Variants in DACH1 observed in about 807,000 individuals in gnomAD.
DACH1 encodes dachshund family transcription factor 1.
Under a neutral mutation model 54.2 loss-of-function variants are expected in DACH1, and 12 were observed. That is an observed-to-expected ratio of 0.22 (90% CI 0.14 to 0.36). DACH1 has a LOEUF of 0.36. DACH1 is among the 10% of genes least tolerant of loss of function. DACH1 has a pLI of 1.00. For missense variants in DACH1, 805 were observed against 929.8 expected, an observed-to-expected ratio of 0.87 and a Z score of 1.75; for synonymous variants, 386 against 366.2, an observed-to-expected ratio of 1.05 and a Z score of -0.62.
intron 1 of DACH1, among the ~76,000 whole-genome samples, chr13:71,864,193 A>G (rs1461757818): frequency 2.5e-5 from 3 of 118,892 alleles, no homozygotes; most frequent in Non-Finnish European, 4.8e-5. Context: ...ACACACACAC[A>G]CACACACACA....
At chr13:71,734,082 T>G (rs927194666) in intron 1 of DACH1, among the ~76,000 whole-genome samples, 2 of 151,346 alleles carry the variant, frequency 1.3e-5, no homozygotes, top group African/African-American at 4.9e-5. Context: ...AAAAACACAC[T>G]TGAATATATA....
intron 10 of DACH1, among the ~76,000 whole-genome samples, chr13:71,463,320 C>A (rs937960525): frequency 1.3e-5 from 2 of 151,856 alleles, no homozygotes; most frequent in African/African-American, 4.8e-5. Flanking sequence ...GAGAAAAATG[C>A]AAGCTAATGA....
chr13:71,665,163 T>C (rs1264837930), intron 2 of DACH1, among the ~76,000 whole-genome samples: 5 of 151,954 alleles, frequency 3.3e-5, no homozygotes, highest in African/African-American at 7.2e-5. Flanking sequence ...TCTAATAGCA[T>C]AAAACATTTG....
rs189993717 is a variant in DACH1, at chr13:71,587,239, G to T, written c.1127-14227C>A. On this transcript the variant is annotated intron_variant, in intron 3 of 10. Transcript: ENST00000613252. ...TATTCAATAAAGTGTGATTAATTTGGTTTTTCAAAAATGCAAACTAGACAT... is the reference window on the plus strand; with the variant it reads ...TATTCAATAAAGTGTGATTAATTTGTTTTTTCAAAAATGCAAACTAGACAT... Among the ~76,000 whole-genome samples the T allele has an allele frequency of 4.0e-3, 605 of 151,902 alleles. 4 individuals are homozygous for T. Among genetic ancestry groups the T allele is most frequent in the Non-Finnish European group, 6.7e-3 (454 of 67,868 alleles).
At chr13:71,748,601 G>C (rs1167031231) in intron 1 of DACH1, among the ~76,000 whole-genome samples, 2 of 152,142 alleles carry the variant, frequency 1.3e-5, no homozygotes, top group Non-Finnish European at 2.9e-5. Context: ...GTCCCTCTTT[G>C]TCTACTACTA....
intron 1 of DACH1, among the ~76,000 whole-genome samples, chr13:71,824,144 T>C (rs1273483925): frequency 6.6e-6 from 1 of 151,946 alleles, no homozygotes; most frequent in Non-Finnish European, 1.5e-5. Context: ...AACAGAGTTG[T>C]CACTTGCTGT....
At chr13:71,482,174 T>C (rs1878098488) in intron 7 of DACH1, among the ~76,000 whole-genome samples, 1 of 152,182 alleles carries the variant, frequency 6.6e-6, no homozygotes, top group Non-Finnish European at 1.5e-5. Context: ...TACATAAATG[T>C]CATTGTTTTC....
intron 1 of DACH1, among the ~76,000 whole-genome samples, chr13:71,689,332 C>T (rs981542369): frequency 6.6e-6 from 1 of 152,032 alleles, no homozygotes; most frequent in Non-Finnish European, 1.5e-5. Context: ...TTACTGCATA[C>T]ATATTTGACC....
At chr13:71,510,219 G>A (rs192229717) in intron 6 of DACH1, among the ~76,000 whole-genome samples, 1 of 151,960 alleles carries the variant, frequency 6.6e-6, no homozygotes, top group African/African-American at 2.4e-5. Flanking sequence ...CATAACAGGT[G>A]CCTTCTGACC....
intron 1 of DACH1, among the ~76,000 whole-genome samples, chr13:71,766,420 G>A (rs758087662): frequency 6.6e-6 from 1 of 152,122 alleles, no homozygotes; most frequent in Non-Finnish European, 1.5e-5. Context: ...TTTTTCTAAG[G>A]TGTAGCCAGG....
intron 6 of DACH1, among the ~76,000 whole-genome samples, chr13:71,510,655 C>T (rs1880707605): frequency 6.6e-6 from 1 of 151,802 alleles, no homozygotes; most frequent in Middle Eastern, 3.2e-3. Context: ...ATTTTTTCAA[C>T]TTTCATTATG....
At chr13:71,829,130 G>C (rs1888491183) in intron 1 of DACH1, among the ~76,000 whole-genome samples, 1 of 151,796 alleles carries the variant, frequency 6.6e-6, no homozygotes, top group Non-Finnish European at 1.5e-5. Flanking sequence ...AATTTCTTTA[G>C]ACTGGGGAAG....
chr13:71,673,937 C>G (rs987366455), intron 2 of DACH1, among the ~76,000 whole-genome samples: 1 of 151,520 alleles, frequency 6.6e-6, no homozygotes, highest in Non-Finnish European at 1.5e-5. Context: ...TTCCATTAGG[C>G]TCTACACGCT....
At chr13:71,529,350 C>A (rs2138301726) in intron 6 of DACH1, among the ~76,000 whole-genome samples, 1 of 152,026 alleles carries the variant, frequency 6.6e-6, no homozygotes, top group East Asian at 1.9e-4. Context: ...CCACGCCCAG[C>A]TATTTTTTGT....
At chr13:71,840,494 G>A (rs1013254949) in intron 1 of DACH1, among the ~76,000 whole-genome samples, 1 of 151,974 alleles carries the variant, frequency 6.6e-6, no homozygotes, top group South Asian at 2.1e-4. Flanking sequence ...TCACAACCCC[G>A]ATTAATAGAT....
intron 6 of DACH1, among the ~76,000 whole-genome samples, chr13:71,541,841 T>C (rs867245812): frequency 3.9e-5 from 6 of 152,166 alleles, no homozygotes; most frequent in African/African-American, 1.4e-4. Context: ...TCTATGGAGC[T>C]TTTTAAACAT....
chr13:71,459,737 T>G (rs1275584035), intron 10 of DACH1, among the ~76,000 whole-genome samples: 1 of 151,940 alleles, frequency 6.6e-6, no homozygotes, highest in East Asian at 1.9e-4. Flanking sequence ...CTGCCAATAC[T>G]GAAAAACAAG....
intron 1 of DACH1, among the ~76,000 whole-genome samples, chr13:71,693,972 G>A (rs778276846): frequency 6.6e-6 from 1 of 152,064 alleles, no homozygotes; most frequent in African/African-American, 2.4e-5. Flanking sequence ...TAGAAAAATA[G>A]TTTTGTTTGT....
At chr13:71,475,918 G>GA in intron 8 of DACH1, 69 bp from the exon 9 acceptor site, 1 of 1,165,148 alleles carries the variant, frequency 8.6e-7, no homozygotes. Context: ...ATTTCCAAAT[G>GA]GTCTATATTT....
Sources: gnomAD v4.1 joint callset for allele counts (sites outside exome capture counted in the v4.1 genomes callset) on GRCh38, gnomAD v4.1.1 for gene constraint, MANE v1.5 for transcripts, NCBI Gene and HGNC (gene_info 2026-07-23, HGNC 2026-07-21) for gene names.